The following IL36A variants were observed in gnomAD, a reference collection of about 807,000 sequenced individuals.
IL36A encodes the protein interleukin 36 alpha, also known as interleukin-36 alpha.
Under a neutral mutation model 12.7 loss-of-function variants are expected in IL36A, and 13 were observed. The ratio of observed to expected loss-of-function variants is 1.02; its 90% CI spans 0.67 to 1.63. The LOEUF (loss-of-function observed/expected upper bound fraction) is 1.63. Ranked by LOEUF, IL36A falls within the 40% of genes most tolerant of loss-of-function variation. The pLI is 0.00. For missense variants in IL36A, 195 were observed against 192.9 expected (o/e 1.01, Z -0.07); for synonymous variants, 73 against 71.9 (o/e 1.01, Z -0.08).
chr2:113,006,721 C>T lies in IL36A; in HGVS notation c.248C>T (p.Pro83Leu). Reference sequence around the variant, plus strand: ...ATGTGTGCTAAAGTCGGGGACCAGCCCACACTGCAGCTGAAGGTGAGTGTG... The same window carrying T: ...ATGTGTGCTAAAGTCGGGGACCAGCTCACACTGCAGCTGAAGGTGAGTGTG... Reference protein sequence around the residue: ...CLMCAKVGDQPTLQLKEKDIM... With the variant: ...CLMCAKVGDQLTLQLKEKDIM... Residue 83 changes from proline (P) to leucine (L), a missense_variant, in exon 3 of 4, where the codon CCC (proline) becomes CTC (leucine). By Grantham distance (98) the Pro-to-Leu change is moderately conservative (BLOSUM62 -3). Coordinates refer to ENST00000259211, the MANE Select transcript of IL36A (RefSeq NM_014440.3). 1 of 1,614,052 alleles carries T rather than the reference C, an allele frequency of 6.2e-7. No individual in the cohort carries two copies. Among genetic ancestry groups the T allele is most frequent in the African/African-American group, 1.3e-5 (1 of 75,026 alleles).
chr2:113,007,861 A>T lies in IL36A; in HGVS notation c.294A>T (p.Gln98His), dbSNP rs896275936. Residue 98 changes from glutamine (Q) to histidine (H), a missense_variant, in exon 4 of 4, where the codon CAA becomes CAT. Transcript: ENST00000259211. ...KEKDIMDLYN[Q>H]PEPVKSFLFY... ...AGGATATAATGGATTTGTACAACCA[A>T]CCCGAGCCTGTGAAGTCCTTTCTCT... is the stretch of plus-strand genomic sequence containing the variant. The T allele has an allele frequency of 2.5e-6, 4 of 1,614,086 alleles. No individual in the cohort carries two copies. The highest frequency in any genetic ancestry group is 1.7e-5 in the Admixed American group (1 of 60,000).
rs540129063 is a variant in IL36A, at chr2:113,005,810, T to G, written c.-62T>G. The G allele has an allele frequency of 8.4e-5, 135 of 1,597,838 alleles. No homozygotes were observed. Among genetic ancestry groups the G allele is most frequent in the Admixed American group, 1.2e-4 (7 of 59,970 alleles). On this transcript the variant is annotated 5_prime_UTR_variant, in exon 1 of 4. Coordinates refer to ENST00000259211, the MANE Select transcript of IL36A (RefSeq NM_014440.3). ...CTTGGGACTGACTCAGGTCCTCTCTTGGGGTCGGTCTGCACATAAAAGGAC... is the reference window on the plus strand; with the variant it reads ...CTTGGGACTGACTCAGGTCCTCTCTGGGGGTCGGTCTGCACATAAAAGGAC...
intron 1 of IL36A, 26 bp from the exon 2 acceptor site, chr2:113,005,948 A>AATT (rs765176889): frequency 6.2e-7 from 1 of 1,611,620 alleles, no homozygotes; most frequent in East Asian, 2.2e-5. Flanking sequence ...CATTCTTACT[A>AATT]ATTTACATTT....
chr2:113,007,161 T>C (rs1160237453), intron 3 of IL36A, among the ~76,000 whole-genome samples: 2 of 152,226 alleles, frequency 1.3e-5, no homozygotes, highest in Non-Finnish European at 2.9e-5. Context: ...AAGATAATTA[T>C]AGCAGGCCTC....
downstream of IL36A, among the ~76,000 whole-genome samples, chr2:113,010,637 T>G (rs1274062282): frequency 6.6e-6 from 1 of 152,230 alleles, no homozygotes; most frequent in African/African-American, 2.4e-5. Context: ...CTACTTGTTT[T>G]TATTCTCCTT....
chr2:113,009,630 C>T (rs10211644), downstream of IL36A, among the ~76,000 whole-genome samples: 4,055 of 152,258 alleles, frequency 0.027, 196 homozygotes, highest in African/African-American at 0.092. Flanking sequence ...CACAAAGGCT[C>T]TTGTTTCTAA....
chr2:113,010,505 G>C (rs1684711098), downstream of IL36A, among the ~76,000 whole-genome samples: 2 of 152,186 alleles, frequency 1.3e-5, no homozygotes, highest in African/African-American at 4.8e-5. Context: ...GTATGGACCA[G>C]CTGTTGGACC....
intron 3 of IL36A, among the ~76,000 whole-genome samples, chr2:113,007,018 G>A (rs983345184): frequency 2.6e-5 from 4 of 152,132 alleles, no homozygotes; most frequent in African/African-American, 9.7e-5. Flanking sequence ...GGACATTTTA[G>A]CAGTTAATTA....
chr2:113,006,656 C>T lies in IL36A; in HGVS notation c.183C>T (p.Asn61=). 1 of 1,614,022 alleles carries T rather than the reference C, an allele frequency of 6.2e-7. No homozygotes were observed. Among genetic ancestry groups the T allele is most frequent in the Non-Finnish European group, 8.5e-7 (1 of 1,179,918 alleles). ...AGACCCTTGAGAAAGACAGAGGGAA[C>T]CCCATCTACCTGGGCCTGAATGGAC... The part of the protein sequence containing the change: ...HVETLEKDRG[N]PIYLGLNGLN... The change falls in exon 3 of 4, where the codon AAC becomes AAT. Residue 61 remains asparagine, a synonymous_variant. Coordinates refer to ENST00000259211, the MANE Select transcript of IL36A (RefSeq NM_014440.3).
At chr2:113,008,498 C>G (rs943972694), downstream of IL36A, 1 of 212,812 alleles carries the variant, frequency 4.7e-6, no homozygotes, top group Non-Finnish European at 9.6e-6. Context: ...GTAGCTGGGA[C>G]TACAGGCGCC....
downstream of IL36A, chr2:113,008,069 C>T: frequency 3.2e-6 from 5 of 1,575,178 alleles, no homozygotes; most frequent in African/African-American, 1.3e-5. Flanking sequence ...GGAGGATAGT[C>T]TCCATGCAGG....
chr2:113,006,065 G>C lies in IL36A; in HGVS notation c.102G>C (p.Pro34=). The C allele has an allele frequency of 6.2e-7, 1 of 1,613,068 alleles. No individual in the cohort carries two copies. The highest frequency in any genetic ancestry group is 8.5e-7 in the Non-Finnish European group (1 of 1,179,074). The change falls in exon 2 of 4, where the codon CCG becomes CCC. Residue 34 remains proline, a synonymous_variant. Transcript: ENST00000259211. ...AGGACCAGACGCTCATAGCAGTCCCGAGGAAGGACCGTATGTCTCCAGGTG... is the reference window on the plus strand; with the variant it reads ...AGGACCAGACGCTCATAGCAGTCCCCAGGAAGGACCGTATGTCTCCAGGTG... ...VLQDQTLIAV[P]RKDRMSPVTI... is the part of the protein sequence containing the mutation.
chr2:113,006,771 G>T, intron 3 of IL36A, 34 bp downstream of exon 3: 1 of 1,605,786 alleles, frequency 6.2e-7, no homozygotes, highest in Non-Finnish European at 8.5e-7. Flanking sequence ...CCATTTATTT[G>T]ATGGAAACTC....
intron 3 of IL36A, 118 bp downstream of exon 3, chr2:113,006,855 G>A: frequency 2.8e-6 from 3 of 1,066,864 alleles, no homozygotes; most frequent in South Asian, 1.7e-5. Context: ...CCTTGGGGTT[G>A]GTATATGTTA....
chr2:113,006,150 C>G, intron 2 of IL36A, 63 bp downstream of exon 2: 1 of 1,048,656 alleles, frequency 9.5e-7, no homozygotes, highest in Non-Finnish European at 1.5e-6. Flanking sequence ...GTTTGGTGCT[C>G]AGATGTTATT....
downstream of IL36A, among the ~76,000 whole-genome samples, chr2:113,009,938 T>G (rs1301702693): frequency 6.6e-6 from 1 of 152,260 alleles, no homozygotes; most frequent in East Asian, 1.9e-4. Flanking sequence ...TCTCTTATTT[T>G]GAAGACTTCT....
downstream of IL36A, among the ~76,000 whole-genome samples, chr2:113,010,300 A>G (rs563255245): frequency 5.9e-5 from 9 of 152,206 alleles, no homozygotes; most frequent in Non-Finnish European, 1.2e-4. Context: ...GATGTTAGAG[A>G]TTACATTTTT....
At chr2:113,006,473 G>C in intron 2 of IL36A, 125 bp from the exon 3 acceptor site, 1 of 989,376 alleles carries the variant, frequency 1.0e-6, no homozygotes, top group Non-Finnish European at 1.6e-6. Context: ...TAGGTGGTGG[G>C]TGGTGAGGTG....
In IL36A at chr2:113,006,584, C is replaced by T; in HGVS notation, c.125-14C>T. 4 of 1,613,604 alleles carry T rather than the reference C, an allele frequency of 2.5e-6. No homozygotes were observed. The highest frequency in any genetic ancestry group is 1.7e-4 in the Middle Eastern group (1 of 5,944). On this transcript the variant is annotated splice_polypyrimidine_tract_variant and intron_variant, in intron 2 of 3. Transcript: ENST00000259211. ...AATGGCAGCTGAACACCACTTTTCA[C>T]ATCGTGTTCCCAGTCACTATTGCCT... is the stretch of plus-strand genomic sequence containing the variant.
Sources: gnomAD v4.1 joint callset for allele counts (sites outside exome capture counted in the v4.1 genomes callset) on GRCh38, gnomAD v4.1.1 for gene constraint, MANE v1.5 for transcripts, NCBI Gene and HGNC (gene_info 2026-07-23, HGNC 2026-07-21) for gene names.